The following GABRB3 variants were observed in gnomAD, a reference collection of about 807,000 sequenced individuals.
GABRB3 encodes gamma-aminobutyric acid type A receptor subunit beta3.
A neutral mutation model predicts 52.1 loss-of-function variants in GABRB3; 14 were observed. The observed-to-expected ratio is 0.27, with a 90% CI of 0.18 to 0.42. The LOEUF (loss-of-function observed/expected upper bound fraction) is 0.42. Among genes scored for constraint, GABRB3 ranks in the 10% least tolerant of loss-of-function variants. The pLI is 1.00. For missense variants in GABRB3, 307 were observed against 609.1 expected, an observed-to-expected ratio of 0.50 and a Z score of 5.22; for synonymous variants, 260 against 232.3, an observed-to-expected ratio of 1.12 and a Z score of -1.08.
At chr15:26,743,217 C>T (rs1043827884) in intron 3 of GABRB3, among the ~76,000 whole-genome samples, 1 of 152,174 alleles carries the variant, frequency 6.6e-6, no homozygotes, top group South Asian at 2.1e-4. Context: ...TGTGAGCCAC[C>T]GCGCCCAGCT....
rs564164260 is a variant in GABRB3 at position 26,652,249 on chromosome 15, G to A, written c.241-30715C>T. ...ATGGCTTCAAGATGTTCCTCCTTTC[G>A]TGGCACAACCAATGTATACCTTCCA... On this transcript the variant is annotated intron_variant, in intron 3 of 8. Coordinates refer to ENST00000311550, the MANE Select transcript of GABRB3 (RefSeq NM_000814.6). Among the ~76,000 whole-genome samples, 150 of 152,078 alleles carry A rather than the reference G, an allele frequency of 9.9e-4. 1 individual carries two copies. Among genetic ancestry groups the A allele is most frequent in the Non-Finnish European group, 2.0e-3 (133 of 68,038 alleles).
intron 6 of GABRB3, among the ~76,000 whole-genome samples, chr15:26,571,527 G>C (rs987586472): frequency 2.1e-4 from 32 of 152,114 alleles, no homozygotes; most frequent in Non-Finnish European, 3.2e-4. Context: ...CTTTCCATTT[G>C]CCAAGTCAAC....
intron 3 of GABRB3, among the ~76,000 whole-genome samples, chr15:26,715,589 T>C (rs1889442020): frequency 6.6e-6 from 1 of 152,150 alleles, no homozygotes; most frequent in Admixed American, 6.6e-5. Context: ...TATGAAATAA[T>C]AACTATTTAT....
chr15:26,748,164 T>C (rs1890401707), intron 3 of GABRB3, among the ~76,000 whole-genome samples: 1 of 152,258 alleles, frequency 6.6e-6, no homozygotes. Flanking sequence ...TCTTGAGAGA[T>C]TTTGTTCCAT....
chr15:26,722,686 G>A (rs1006609333), intron 3 of GABRB3, among the ~76,000 whole-genome samples: 1 of 152,170 alleles, frequency 6.6e-6, no homozygotes, highest in Admixed American at 6.5e-5. Flanking sequence ...CCAAGGCAAA[G>A]GCATTCATTC....
At chr15:26,692,204 G>C (rs1303968516) in intron 3 of GABRB3, among the ~76,000 whole-genome samples, 3 of 152,192 alleles carry the variant, frequency 2.0e-5, no homozygotes, top group Non-Finnish European at 2.9e-5. Flanking sequence ...TAATCTCATG[G>C]AGGTGATCTT....
Position 26,739,281 on chromosome 15 carries a change from C to T in GABRB3, c.240+33121G>A, listed in dbSNP as rs930499360. Among the ~76,000 whole-genome samples the T allele has an allele frequency of 4.6e-5, 7 of 152,150 alleles. No individual in the cohort carries two copies. The South Asian group carries it at 1.0e-3, about 23-fold the overall frequency. On this transcript the variant is annotated intron_variant, in intron 3 of 8. Transcript: ENST00000311550. ...CCAGCTTGTTCTCAAACAACAGCGACGCTTGGCCAAGTAGACACCACTGTG... is the reference window on the plus strand; with the variant it reads ...CCAGCTTGTTCTCAAACAACAGCGATGCTTGGCCAAGTAGACACCACTGTG...
chr15:26,669,847 A>T (rs1307461736), intron 3 of GABRB3, among the ~76,000 whole-genome samples: 3 of 152,114 alleles, frequency 2.0e-5, no homozygotes, highest in Non-Finnish European at 4.4e-5. Context: ...TTTGATCCTG[A>T]TCCTTTCTCT....
At chr15:26,751,706 G>A (rs1258487645) in intron 3 of GABRB3, among the ~76,000 whole-genome samples, 1 of 152,048 alleles carries the variant, frequency 6.6e-6, no homozygotes. Context: ...TGTTGATTCA[G>A]CATTCCAGTA....
At chr15:26,567,222 TA>T (rs558727032) in intron 7 of GABRB3, among the ~76,000 whole-genome samples, 75 of 152,306 alleles carry the variant, frequency 4.9e-4, no homozygotes, top group South Asian at 1.0e-3. Flanking sequence ...TTTTCTGACT[TA>T]AAAAAGAAGA....
At chr15:26,730,195 A>G (rs1181364129) in intron 3 of GABRB3, among the ~76,000 whole-genome samples, 2 of 152,174 alleles carry the variant, frequency 1.3e-5, no homozygotes, top group Non-Finnish European at 2.9e-5. Flanking sequence ...TCTGTTGGTT[A>G]TATCCCATTT....
At chr15:26,739,583 G>A (rs868753816) in intron 3 of GABRB3, among the ~76,000 whole-genome samples, 4 of 152,006 alleles carry the variant, frequency 2.6e-5, no homozygotes, top group Non-Finnish European at 2.9e-5. Flanking sequence ...CAGGGTGAGC[G>A]TTCCTTTTCT....
In GABRB3 at chr15:26,615,506, AAAC is replaced by A. The variant is rs1333551314; in HGVS notation, c.461+5805_461+5807del. 4.3e-6 allele frequency: 4 copies of A among 926,874 alleles called. No homozygotes were observed. In the Admixed American group the frequency reaches 2.4e-4, roughly 56 times the overall value. 57.4% of individuals were successfully genotyped at this position (926,874 alleles called of 1,614,324 possible). A position where few individuals can be genotyped will look rare whatever the true frequency, so the allele number is the denominator to read the frequency against. On this transcript the variant is annotated intron_variant, in intron 4 of 8. Coordinates refer to ENST00000311550, the MANE Select transcript of GABRB3 (RefSeq NM_000814.6). The stretch of plus-strand genomic sequence containing the variant: ...CATGGGAAAAATGGCTCATGATTTA[AAAC>A]AACCTTTTATCACTACAAGAATGTG...
At chr15:26,668,579 T>G (rs373108993) in intron 3 of GABRB3, among the ~76,000 whole-genome samples, 35 of 152,214 alleles carry the variant, frequency 2.3e-4, no homozygotes, top group African/African-American at 7.2e-4. Context: ...GCTAAGAGCA[T>G]GTAGTCCCTA....
chr15:26,612,046 T>C (rs1301507290), intron 4 of GABRB3: 1 of 152,146 alleles, frequency 6.6e-6, no homozygotes, highest in East Asian at 1.9e-4. Flanking sequence ...ACAAAATGCA[T>C]AGTGGTGTTG....
intron 6 of GABRB3, among the ~76,000 whole-genome samples, chr15:26,573,924 G>A (rs941300256): frequency 1.1e-4 from 16 of 152,236 alleles, no homozygotes; most frequent in African/African-American, 3.1e-4. Flanking sequence ...GGTGGCACAC[G>A]CCTATAGTCC....
At chr15:26,747,313 T>C (rs1434741641) in intron 3 of GABRB3, among the ~76,000 whole-genome samples, 1 of 152,226 alleles carries the variant, frequency 6.6e-6, no homozygotes, top group African/African-American at 2.4e-5. Flanking sequence ...TAGATTGATT[T>C]GTGGAGAATT....
Position 26,744,678 on chromosome 15 carries a change from G to A in GABRB3, c.240+27724C>T, listed in dbSNP as rs148105007. Among the ~76,000 whole-genome samples, 1,067 of 152,116 alleles carry A rather than the reference G, an allele frequency of 7.0e-3. 15 individuals are homozygous for A. The highest frequency in any genetic ancestry group is 0.023 in the African/African-American group (966 of 41,500). On this transcript the variant is annotated intron_variant, in intron 3 of 8. Coordinates refer to ENST00000311550, the MANE Select transcript of GABRB3 (RefSeq NM_000814.6). ...TGACCTCAGGTGATCTGCCCACCTC[G>A]GCCTCCCAAAGTGCTGGGATTACAG...
At chr15:26,752,940 A>T (rs1242193781) in intron 3 of GABRB3, among the ~76,000 whole-genome samples, 2 of 152,166 alleles carry the variant, frequency 1.3e-5, no homozygotes, top group African/African-American at 4.8e-5. Context: ...TGGTCACCTC[A>T]ATCAAAATAG....
Sources: gnomAD v4.1 joint callset for allele counts (sites outside exome capture counted in the v4.1 genomes callset) on GRCh38, gnomAD v4.1.1 for gene constraint, MANE v1.5 for transcripts, NCBI Gene and HGNC (gene_info 2026-07-23, HGNC 2026-07-21) for gene names.